Variants in KCNAB1 observed in about 807,000 individuals in gnomAD.
KCNAB1 encodes potassium voltage-gated channel subfamily A regulatory beta subunit 1.
A neutral mutation model predicts 64.6 loss-of-function variants in KCNAB1; 35 were observed. That is an observed-to-expected ratio of 0.54 (90% CI 0.41 to 0.72). The LOEUF is 0.72. Ranked by LOEUF, KCNAB1 falls within the 30% of genes least tolerant of loss-of-function variation. KCNAB1 has a pLI of 0.00. For missense variants in KCNAB1, 401 were observed against 512.9 expected, an observed-to-expected ratio of 0.78 and a Z score of 2.11; for synonymous variants, 177 against 183.8, an observed-to-expected ratio of 0.96 and a Z score of 0.30.
intron 1 of KCNAB1, among the ~76,000 whole-genome samples, chr3:156,342,716 G>C (rs967554550): frequency 6.7e-6 from 1 of 149,274 alleles, no homozygotes; most frequent in Non-Finnish European, 1.5e-5. Flanking sequence ...GCCCACTAAC[G>C]TGTCATCTAG....
intron 1 of KCNAB1, among the ~76,000 whole-genome samples, chr3:156,376,079 C>G (rs1047959441): frequency 6.6e-6 from 1 of 152,248 alleles, no homozygotes; most frequent in African/African-American, 2.4e-5. Context: ...CTTGGCATCC[C>G]AAAGTGCTGG....
intron 2 of KCNAB1, among the ~76,000 whole-genome samples, chr3:156,450,042 G>A (rs933039526): frequency 6.6e-6 from 1 of 152,210 alleles, no homozygotes; most frequent in African/African-American, 2.4e-5. Context: ...ACCTGATTTT[G>A]CTCAGAGACA....
intron 11 of KCNAB1, among the ~76,000 whole-genome samples, chr3:156,523,328 G>T (rs1175940642): frequency 2.0e-5 from 3 of 152,140 alleles, no homozygotes; most frequent in African/African-American, 7.2e-5. Flanking sequence ...AAGAATAAGA[G>T]ATTAGCAGTG....
At chr3:156,120,453 C>T, upstream of KCNAB1, 2 of 821,092 alleles carry the variant, frequency 2.4e-6, no homozygotes, top group South Asian at 3.3e-5. Context: ...GATACATTTT[C>T]ATCCCAAGCC....
At chr3:156,420,288 G>A (rs776139637) in intron 1 of KCNAB1, among the ~76,000 whole-genome samples, 15 of 152,172 alleles carry the variant, frequency 9.9e-5, no homozygotes, top group South Asian at 2.1e-4. Flanking sequence ...ACTCAACCCC[G>A]GAAAGAAAAG....
intron 1 of KCNAB1, chr3:156,291,770 ACTC>A (rs1375538805): frequency 6.7e-7 from 1 of 1,486,772 alleles, no homozygotes; most frequent in African/African-American, 1.4e-5. Context: ...AGCCGCCAGG[ACTC>A]CTCTGACGGC....
At chr3:156,204,899 C>T (rs866756838) in intron 1 of KCNAB1, among the ~76,000 whole-genome samples, 2 of 152,174 alleles carry the variant, frequency 1.3e-5, no homozygotes, top group African/African-American at 4.8e-5. Context: ...AGTTGGGCAG[C>T]TAGGATGATG....
At chr3:156,203,761 T>C (rs144210979) in intron 1 of KCNAB1, among the ~76,000 whole-genome samples, 2,608 of 152,340 alleles carry the variant, frequency 0.017, 47 homozygotes, top group South Asian at 0.03. Context: ...TATCTGAAAG[T>C]ATTTTTTCCA....
intron 1 of KCNAB1, among the ~76,000 whole-genome samples, 175 bp downstream of exon 1, chr3:156,121,061 A>G (rs1269945908): frequency 6.6e-6 from 1 of 152,214 alleles, no homozygotes; most frequent in Middle Eastern, 3.2e-3. Context: ...TGCAAATGGC[A>G]AATAATGTTC....
intron 1 of KCNAB1, among the ~76,000 whole-genome samples, chr3:156,185,745 T>C (rs1021355095): frequency 1.3e-5 from 2 of 152,174 alleles, no homozygotes; most frequent in Non-Finnish European, 2.9e-5. Context: ...GAGTATTTTT[T>C]TTTTCTCGTA....
intron 8 of KCNAB1, among the ~76,000 whole-genome samples, chr3:156,492,738 G>A (rs1019858202): frequency 6.6e-6 from 1 of 152,114 alleles, no homozygotes; most frequent in African/African-American, 2.4e-5. Context: ...ATATTAATAA[G>A]ATAGTGGGTG....
chr3:156,505,031 C>G (rs964909107), intron 8 of KCNAB1, among the ~76,000 whole-genome samples: 2 of 152,016 alleles, frequency 1.3e-5, no homozygotes, highest in African/African-American at 2.4e-5. Flanking sequence ...AGTGTCATAG[C>G]TTCAGGTCAG....
At chr3:156,307,031 G>A (rs1423836996) in intron 1 of KCNAB1, among the ~76,000 whole-genome samples, 2 of 152,344 alleles carry the variant, frequency 1.3e-5, no homozygotes, top group African/African-American at 4.8e-5. Context: ...TGGCTCGGTA[G>A]GAGGGAGTTC....
intron 1 of KCNAB1, among the ~76,000 whole-genome samples, chr3:156,253,829 C>T (rs533348284): frequency 6.6e-6 from 1 of 152,204 alleles, no homozygotes; most frequent in Non-Finnish European, 1.5e-5. Context: ...TCTGTTTTAA[C>T]AAGTCTTCTG....
rs528821667 is a variant in KCNAB1 at position 156,515,352 on chromosome 3, A to G, written c.865+132A>G. ...AATTAACATAGACATTGTAAGAACCATGCATTCCAGAGATTGTAGCAGAAT... is the reference window on the plus strand; with the variant it reads ...AATTAACATAGACATTGTAAGAACCGTGCATTCCAGAGATTGTAGCAGAAT... On this transcript the variant is annotated intron_variant, in intron 10 of 13. Transcript: ENST00000490337. The G allele has an allele frequency of 1.8e-5, 14 of 781,110 alleles. 1 individual carries two copies. The South Asian group carries it at 2.3e-4, about 13-fold the overall frequency. 48.4% of individuals were successfully genotyped at this position (781,110 alleles called of 1,614,324 possible). A position where few individuals can be genotyped will look rare whatever the true frequency, so the allele number is the denominator to read the frequency against.
intron 1 of KCNAB1, among the ~76,000 whole-genome samples, chr3:156,210,125 A>T (rs749917977): frequency 7.2e-5 from 11 of 152,164 alleles, no homozygotes; most frequent in Non-Finnish European, 1.5e-4. Flanking sequence ...GGAGTGGAAG[A>T]AGCACAGGCT....
chr3:156,345,631 T>G (rs1304124078), intron 1 of KCNAB1, among the ~76,000 whole-genome samples: 1 of 152,196 alleles, frequency 6.6e-6, no homozygotes, highest in Non-Finnish European at 1.5e-5. Context: ...AGTTGTTGAA[T>G]AGTGAGGACA....
intron 1 of KCNAB1, among the ~76,000 whole-genome samples, chr3:156,231,850 T>C (rs1366760581): frequency 2.0e-5 from 3 of 152,100 alleles, no homozygotes; most frequent in Non-Finnish European, 4.4e-5. Context: ...ATCAATGTAT[T>C]TCTTAAATGT....
At chr3:156,143,937 A>T (rs541338864) in intron 1 of KCNAB1, among the ~76,000 whole-genome samples, 24 of 131,862 alleles carry the variant, frequency 1.8e-4, no homozygotes, top group African/African-American at 6.4e-4. Flanking sequence ...TTATTTATTT[A>T]TTTTTTAAAT....
Sources: allele counts gnomAD v4.1 joint callset (sites outside exome capture counted in the v4.1 genomes callset), GRCh38; gene constraint gnomAD v4.1.1; transcripts MANE v1.5; gene names NCBI Gene and HGNC (gene_info 2026-07-23, HGNC 2026-07-21).